DPF3: variants seen among roughly 807,000 people sequenced by gnomAD.
DPF3 encodes the protein zinc finger protein DPF3.
A neutral mutation model predicts 56.8 loss-of-function variants in DPF3; 18 were observed. The ratio of observed to expected loss-of-function variants is 0.32; its 90% CI spans 0.22 to 0.47. The LOEUF is 0.47. Among genes scored for constraint, DPF3 ranks in the 20% least tolerant of loss-of-function variants. The pLI is 1.00. For synonymous variants in DPF3, 188 were observed against 180.2 expected (o/e 1.04, Z -0.35); for missense variants, 403 against 488.8 (o/e 0.82, Z 1.65).
chr14:72,893,145 C>T (rs955932430), intron 1 of DPF3, among the ~76,000 whole-genome samples: 2 of 152,168 alleles, frequency 1.3e-5, no homozygotes, highest in Admixed American at 6.5e-5. Context: ...CTCAAAGTCT[C>T]CCCGAGGCGG....
chr14:72,889,680 A>G (rs1886676867), intron 1 of DPF3, among the ~76,000 whole-genome samples: 1 of 152,224 alleles, frequency 6.6e-6, no homozygotes, highest in South Asian at 2.1e-4. Context: ...AAACCACTTT[A>G]GATTAGAATA....
chr14:72,784,844 C>T (rs1782680014), intron 1 of DPF3, among the ~76,000 whole-genome samples: 1 of 152,064 alleles, frequency 6.6e-6, no homozygotes, highest in Admixed American at 6.6e-5. Context: ...GTAGTTCCAG[C>T]TACTTAGGAG....
chr14:72,651,367 A>G (rs1885902712), intron 8 of DPF3, among the ~76,000 whole-genome samples: 2 of 152,168 alleles, frequency 1.3e-5, no homozygotes, highest in Admixed American at 1.3e-4. Context: ...CCAGGGCCAA[A>G]ATATTCCTGG....
At chr14:72,788,463 G>A (rs1892301911) in intron 1 of DPF3, among the ~76,000 whole-genome samples, 1 of 152,166 alleles carries the variant, frequency 6.6e-6, no homozygotes, top group Non-Finnish European at 1.5e-5. Context: ...TGTGGGTGGA[G>A]GGAGAGCACC....
intron 6 of DPF3, among the ~76,000 whole-genome samples, chr14:72,700,741 G>T (rs1240903851): frequency 1.3e-5 from 2 of 152,184 alleles, no homozygotes; most frequent in Non-Finnish European, 2.9e-5. Flanking sequence ...GTGATCTTGG[G>T]CAAGTTACTA....
intron 2 of DPF3, among the ~76,000 whole-genome samples, chr14:72,760,797 G>A (rs1411506940): frequency 6.6e-6 from 1 of 152,086 alleles, no homozygotes; most frequent in African/African-American, 2.4e-5. Flanking sequence ...CAGATTACAT[G>A]TAAAAAGCAT....
In DPF3 at chr14:72,616,630, T is replaced by C. The variant is rs1310480633; in HGVS notation, c.*2667A>G. On this transcript the variant is annotated 3_prime_UTR_variant, in exon 11 of 11. Transcript: ENST00000556509. ...ACTCTGGAATAGGCAGGGCAAGTGTTACTATCTCCACTTTCCAGGTGGGCA... is the reference window on the plus strand; with the variant it reads ...ACTCTGGAATAGGCAGGGCAAGTGTCACTATCTCCACTTTCCAGGTGGGCA... Among the ~76,000 whole-genome samples, 2 of 152,166 alleles carry C rather than the reference T, an allele frequency of 1.3e-5. No homozygotes were observed. The highest frequency in any genetic ancestry group is 2.9e-5 in the Non-Finnish European group (2 of 68,034).
At position 72,617,610 on chromosome 14, in the gene DPF3, C is replaced by A. The variant is rs1884160744; in HGVS notation, c.*1687G>T. Among the ~76,000 whole-genome samples, 1 of 152,208 alleles carries A rather than the reference C, an allele frequency of 6.6e-6. No individual in the cohort carries two copies. Among genetic ancestry groups the A allele is most frequent in the Admixed American group, 6.5e-5 (1 of 15,290 alleles). Reference sequence around the variant, plus strand: ...GCAGGAGAGTGACCCCCATCGCTTGCCACAGGTCACTCTGCTGAAGCGTGG... The same window carrying A: ...GCAGGAGAGTGACCCCCATCGCTTGACACAGGTCACTCTGCTGAAGCGTGG... On this transcript the variant is annotated 3_prime_UTR_variant, in exon 11 of 11. Coordinates refer to ENST00000556509, the MANE Select transcript of DPF3 (RefSeq NM_001280542.3).
chr14:72,659,149 A>G (rs1406301490), intron 8 of DPF3, among the ~76,000 whole-genome samples: 1 of 152,110 alleles, frequency 6.6e-6, no homozygotes, highest in African/African-American at 2.4e-5. Context: ...GTGACCTGAG[A>G]CTGAGCCTCA....
chr14:72,687,301 T>G (rs1254259001), intron 7 of DPF3, among the ~76,000 whole-genome samples: 1 of 152,226 alleles, frequency 6.6e-6, no homozygotes, highest in Non-Finnish European at 1.5e-5. Flanking sequence ...GAAATACATT[T>G]TATAGACTCA....
chr14:72,648,281 G>A (rs1372018385), intron 8 of DPF3, among the ~76,000 whole-genome samples: 23 of 152,250 alleles, frequency 1.5e-4, no homozygotes, highest in Non-Finnish European at 4.4e-5. Flanking sequence ...AAACTATTGC[G>A]CCAGGCGTGG....
intron 1 of DPF3, among the ~76,000 whole-genome samples, chr14:72,852,301 G>C (rs1043486181): frequency 2.0e-5 from 3 of 152,204 alleles, no homozygotes; most frequent in Admixed American, 2.0e-4. Context: ...GTACCCAGCC[G>C]GGCACCAGAG....
chr14:72,667,509 A>G (rs1886490956), intron 8 of DPF3, among the ~76,000 whole-genome samples: 1 of 152,050 alleles, frequency 6.6e-6, no homozygotes, highest in Admixed American at 6.6e-5. Flanking sequence ...CATCTTGATG[A>G]CTCTAATTTC....
intron 1 of DPF3, among the ~76,000 whole-genome samples, chr14:72,795,289 A>AT (rs1179925797): frequency 1.9e-3 from 221 of 119,242 alleles, no homozygotes; most frequent in Middle Eastern, 4.5e-3. Flanking sequence ...AAAAAAAAAA[A>AT]AAAAAAATAT....
chr14:72,743,727 T>C (rs1397738559), intron 3 of DPF3, among the ~76,000 whole-genome samples: 3 of 152,214 alleles, frequency 2.0e-5, no homozygotes, highest in Non-Finnish European at 4.4e-5. Flanking sequence ...ACTCTCCACC[T>C]TTCTCTTCTG....
chr14:72,627,052 T>C (rs1205702080), intron 9 of DPF3, among the ~76,000 whole-genome samples: 1 of 152,016 alleles, frequency 6.6e-6, no homozygotes, highest in Non-Finnish European at 1.5e-5. Flanking sequence ...TCTTTTTATA[T>C]AGGGAATTAG....
chr14:72,830,879 C>T (rs1343037006), intron 1 of DPF3, among the ~76,000 whole-genome samples: 1 of 152,180 alleles, frequency 6.6e-6, no homozygotes, highest in African/African-American at 2.4e-5. Flanking sequence ...CTTTACTAAC[C>T]CTTTCTCCAA....
chr14:72,663,128 A>G (rs531950030), intron 8 of DPF3, among the ~76,000 whole-genome samples: 11 of 134,736 alleles, frequency 8.2e-5, no homozygotes, highest in African/African-American at 3.1e-4. Context: ...CTGGATGGTC[A>G]ATTCCCAGGT....
chr14:72,823,172 T>A (rs1883629555), intron 1 of DPF3, among the ~76,000 whole-genome samples: 3 of 152,180 alleles, frequency 2.0e-5, no homozygotes, highest in African/African-American at 7.2e-5. Flanking sequence ...GGTTTCAAAA[T>A]GGCAGCTAGC....
Sources: gnomAD v4.1 joint callset for allele counts (sites outside exome capture counted in the v4.1 genomes callset) on GRCh38, gnomAD v4.1.1 for gene constraint, MANE v1.5 for transcripts, NCBI Gene and HGNC (gene_info 2026-07-23, HGNC 2026-07-21) for gene names.